The following DPY19L2 variants were observed in gnomAD, a reference collection of about 807,000 sequenced individuals.
DPY19L2 encodes the protein probable C-mannosyltransferase DPY19L2.
Under a neutral mutation model 97.9 loss-of-function variants are expected in DPY19L2, and 34 were observed. That is an observed-to-expected ratio of 0.35 (90% confidence interval 0.26 to 0.46). DPY19L2 has a LOEUF of 0.46. Ranked by LOEUF, DPY19L2 falls within the 20% of genes least tolerant of loss-of-function variation. DPY19L2 has a pLI of 1.00. For synonymous variants in DPY19L2, 230 were observed against 307.9 expected, an observed-to-expected ratio of 0.75 and a Z score of 2.65; for missense variants, 623 against 911.4, an observed-to-expected ratio of 0.68 and a Z score of 4.07.
intron 6 of DPY19L2, among the ~76,000 whole-genome samples, chr12:63,636,813 T>TA (rs768926055): frequency 1.3e-5 from 2 of 152,102 alleles, no homozygotes; most frequent in Non-Finnish European, 2.9e-5. Context: ...CAAAGAGACT[T>TA]AGACTCCCAC....
At chr12:63,655,502 A>G (rs1200324380) in intron 4 of DPY19L2, among the ~76,000 whole-genome samples, 1 of 152,180 alleles carries the variant, frequency 6.6e-6, no homozygotes, top group African/African-American at 2.4e-5. Context: ...CATAATGGGC[A>G]TGGGAAAACA....
chr12:63,625,395 T>C (rs1889359670), intron 7 of DPY19L2, among the ~76,000 whole-genome samples: 1 of 150,276 alleles, frequency 6.7e-6, no homozygotes, highest in African/African-American at 2.4e-5. Flanking sequence ...AGACTCTATC[T>C]TGAAAAAAAA....
At chr12:63,622,131 T>A in intron 8 of DPY19L2, among the ~76,000 whole-genome samples, 1 of 152,328 alleles carries the variant, frequency 6.6e-6, no homozygotes, top group East Asian at 1.9e-4. Flanking sequence ...TGTAATCTTA[T>A]ATTTTTCAAA....
intron 6 of DPY19L2, among the ~76,000 whole-genome samples, chr12:63,641,331 A>G (rs1267482961): frequency 6.6e-6 from 1 of 152,148 alleles, no homozygotes; most frequent in East Asian, 1.9e-4. Flanking sequence ...AGAAAAGTGC[A>G]TAACATTTCT....
intron 21 of DPY19L2, among the ~76,000 whole-genome samples, chr12:63,563,782 T>C (rs1877104886): frequency 6.6e-6 from 1 of 152,176 alleles, no homozygotes; most frequent in South Asian, 2.1e-4. Context: ...ACAGAACCAG[T>C]TGGGAAGTAA....
intron 18 of DPY19L2, among the ~76,000 whole-genome samples, chr12:63,581,998 A>C (rs1450803241): frequency 1.3e-5 from 2 of 149,108 alleles, no homozygotes; most frequent in African/African-American, 5.0e-5. Flanking sequence ...ATGGAGTTTC[A>C]CCATGTTGGC....
chr12:63,582,619 G>A, intron 17 of DPY19L2, 94 bp from the exon 18 acceptor site: 1 of 1,312,222 alleles, frequency 7.6e-7, no homozygotes, highest in Non-Finnish European at 1.0e-6. Flanking sequence ...TTAAGACAAG[G>A]ATCTTCTAAC....
intron 16 of DPY19L2, among the ~76,000 whole-genome samples, chr12:63,589,767 T>C (rs1401175740): frequency 1.3e-5 from 2 of 152,108 alleles, no homozygotes; most frequent in Non-Finnish European, 2.9e-5. Flanking sequence ...GAACTATAAG[T>C]TGACATCTTG....
intron 6 of DPY19L2, among the ~76,000 whole-genome samples, chr12:63,641,668 G>T (rs11175091): frequency 0.69 from 105,165 of 151,526 alleles, 37,065 homozygotes; most frequent in African/African-American, 0.8. Flanking sequence ...TTGTATACTG[G>T]TCCACCATGT....
chr12:63,666,156 G>A (rs1040090538), intron 1 of DPY19L2, among the ~76,000 whole-genome samples: 7 of 151,812 alleles, frequency 4.6e-5, no homozygotes, highest in African/African-American at 1.7e-4. Flanking sequence ...GACCTTTTTT[G>A]ATTTTTTTCA....
intron 7 of DPY19L2, among the ~76,000 whole-genome samples, chr12:63,624,705 A>C (rs1889243963): frequency 6.6e-6 from 1 of 152,208 alleles, no homozygotes; most frequent in Non-Finnish European, 1.5e-5. Flanking sequence ...ATGTGATGCA[A>C]GTAATAAAGG....
chr12:63,628,800 A>C (rs2137897672), intron 6 of DPY19L2, among the ~76,000 whole-genome samples: 1 of 151,196 alleles, frequency 6.6e-6, no homozygotes, highest in East Asian at 1.9e-4. Context: ...GAGTAGCATA[A>C]CTGGGAGGCA....
chr12:63,623,402 G>C (rs1889018243), intron 8 of DPY19L2, among the ~76,000 whole-genome samples: 1 of 152,150 alleles, frequency 6.6e-6, no homozygotes, highest in Non-Finnish European at 1.5e-5. Context: ...TCATGGCACA[G>C]TTATCAAAAC....
intron 19 of DPY19L2, among the ~76,000 whole-genome samples, chr12:63,577,822 G>C (rs575492811): frequency 2.4e-4 from 37 of 152,176 alleles, no homozygotes; most frequent in African/African-American, 8.7e-4. Flanking sequence ...GGAGAAAAGG[G>C]AACTCTCATA....
intron 6 of DPY19L2, among the ~76,000 whole-genome samples, chr12:63,638,404 G>A (rs900470541): frequency 6.6e-6 from 1 of 152,266 alleles, no homozygotes; most frequent in Non-Finnish European, 1.5e-5. Flanking sequence ...AATCAGGAAA[G>A]AGGAAGTCAA....
chr12:63,668,743 A>G (rs1896632444), upstream of DPY19L2: 1 of 296,478 alleles, frequency 3.4e-6, no homozygotes, highest in Non-Finnish European at 6.3e-6. Context: ...CCAAGCCCAC[A>G]TGCGCAGTCC....
At chr12:63,639,185 C>T (rs1237130572) in intron 6 of DPY19L2, among the ~76,000 whole-genome samples, 1 of 152,176 alleles carries the variant, frequency 6.6e-6, no homozygotes, top group African/African-American at 2.4e-5. Context: ...CTTTCTTACA[C>T]CTTTTACGAA....
At chr12:63,632,459 T>C (rs533014322) in intron 6 of DPY19L2, among the ~76,000 whole-genome samples, 5 of 152,250 alleles carry the variant, frequency 3.3e-5, no homozygotes, top group Non-Finnish European at 5.9e-5. Context: ...GCAACTCCCA[T>C]TCACAATTGC....
intron 19 of DPY19L2, among the ~76,000 whole-genome samples, chr12:63,579,900 T>A (rs531574738): frequency 6.6e-6 from 1 of 152,198 alleles, no homozygotes; most frequent in Non-Finnish European, 1.5e-5. Flanking sequence ...TCAGGAGTCA[T>A]AAGAAAATTT....
Sources: gnomAD v4.1 joint callset for allele counts (sites outside exome capture counted in the v4.1 genomes callset) on GRCh38, gnomAD v4.1.1 for gene constraint, MANE v1.5 for transcripts, NCBI Gene and HGNC (gene_info 2026-07-23, HGNC 2026-07-21) for gene names.